The following SV2C variants were observed in gnomAD, a reference collection of about 807,000 sequenced individuals.
SV2C encodes the protein synaptic vesicle glycoprotein 2C.
In SV2C, 49 loss-of-function variants were observed where a neutral mutation model predicts 79.7. The ratio of observed to expected loss-of-function variants is 0.61; its 90% CI spans 0.49 to 0.78. The LOEUF (loss-of-function observed/expected upper bound fraction) is 0.78, where lower values mean the gene tolerates loss of function less well. Among genes scored for constraint, SV2C ranks in the 30% least tolerant of loss-of-function variants. SV2C has a pLI of 0.00. For missense variants in SV2C, 833 were observed against 912.9 expected (o/e 0.91, Z 1.13); for synonymous variants, 334 against 333.2 (o/e 1.00, Z -0.03).
At chr5:75,967,245 T>C in the SV2C span, among the ~76,000 whole-genome samples, 2 of 152,032 alleles carry the variant, frequency 1.3e-5, no homozygotes, top group Non-Finnish European at 2.9e-5. Flanking sequence ...AGTCCACAGC[T>C]GACACAGAAG....
chr5:76,037,999 G>A, the SV2C span, among the ~76,000 whole-genome samples: 6 of 152,186 alleles, frequency 3.9e-5, no homozygotes, highest in Non-Finnish European at 5.9e-5. Context: ...GGAGTGACCC[G>A]ATTTTCCAGG....
intron 4 of SV2C, among the ~76,000 whole-genome samples, chr5:76,254,776 T>G (rs1157212922): frequency 6.6e-6 from 1 of 152,230 alleles, no homozygotes; most frequent in Non-Finnish European, 1.5e-5. Flanking sequence ...GTTATTTACT[T>G]CTTTTATTTT....
At chr5:75,898,593 A>G in the SV2C span, among the ~76,000 whole-genome samples, 1 of 152,204 alleles carries the variant, frequency 6.6e-6, no homozygotes, top group South Asian at 2.1e-4. Context: ...AAAATGAGTT[A>G]GGGAGGATTC....
chr5:76,300,559 C>A (rs1561305682), intron 10 of SV2C, among the ~76,000 whole-genome samples, 170 bp from the exon 11 acceptor site: 2 of 152,152 alleles, frequency 1.3e-5, no homozygotes. Context: ...AAGACCCAGA[C>A]TAGATCCTAT....
At chr5:75,908,061 A>C in the SV2C span, among the ~76,000 whole-genome samples, 2 of 152,364 alleles carry the variant, frequency 1.3e-5, no homozygotes, top group South Asian at 4.1e-4. Context: ...TTAAAAAAAA[A>C]ATTGCAAGTT....
At chr5:76,163,939 G>A (rs965912801) in intron 2 of SV2C, among the ~76,000 whole-genome samples, 1 of 152,162 alleles carries the variant, frequency 6.6e-6, no homozygotes, top group African/African-American at 2.4e-5. Flanking sequence ...AGGGACAGTA[G>A]GGCAGACACT....
the SV2C span, among the ~76,000 whole-genome samples, chr5:75,875,821 A>T: frequency 2.6e-5 from 4 of 152,202 alleles, no homozygotes; most frequent in Admixed American, 2.6e-4. Flanking sequence ...CATATATAAA[A>T]AAAAGCTCAA....
chr5:75,896,049 GTTCT>G, the SV2C span, among the ~76,000 whole-genome samples: 9 of 151,680 alleles, frequency 5.9e-5, no homozygotes, highest in Admixed American at 5.9e-4. Context: ...TAATTGGATA[GTTCT>G]TTTTTTATTT....
chr5:75,930,676 G>A, the SV2C span, among the ~76,000 whole-genome samples: 4 of 152,188 alleles, frequency 2.6e-5, no homozygotes, highest in African/African-American at 9.6e-5. Context: ...ATCCATGGAC[G>A]TGAGCACTGT....
At chr5:76,242,559 G>A (rs554382983) in intron 4 of SV2C, among the ~76,000 whole-genome samples, 3 of 152,214 alleles carry the variant, frequency 2.0e-5, no homozygotes, top group South Asian at 4.2e-4. Flanking sequence ...TTTAAAAAAC[G>A]CTGGCCTCAT....
chr5:76,164,522 C>A (rs948427205), intron 2 of SV2C, among the ~76,000 whole-genome samples: 2 of 152,178 alleles, frequency 1.3e-5, no homozygotes. Flanking sequence ...ATTTTATATG[C>A]CCACAGTTTG....
intron 3 of SV2C, among the ~76,000 whole-genome samples, chr5:76,207,219 G>T (rs1024779814): frequency 4.6e-5 from 7 of 151,828 alleles, no homozygotes; most frequent in African/African-American, 1.7e-4. Context: ...CCTTTATCTT[G>T]GTCCAGAGGG....
At chr5:75,912,108 T>C in the SV2C span, among the ~76,000 whole-genome samples, 2 of 152,134 alleles carry the variant, frequency 1.3e-5, no homozygotes, top group Non-Finnish European at 2.9e-5. Flanking sequence ...TAATTCAGGT[T>C]TTAGCATTAT....
At chr5:76,074,216 T>G in the SV2C span, among the ~76,000 whole-genome samples, 2 of 152,214 alleles carry the variant, frequency 1.3e-5, no homozygotes, top group Non-Finnish European at 2.9e-5. Context: ...ATTGTGCTTC[T>G]TCTGGGAAGC....
upstream of SV2C, among the ~76,000 whole-genome samples, chr5:76,081,448 A>G (rs909931945): frequency 4.6e-5 from 7 of 152,200 alleles, no homozygotes; most frequent in African/African-American, 1.4e-4. Flanking sequence ...TGTATTTCCA[A>G]TGCTGGATTC....
the SV2C span, among the ~76,000 whole-genome samples, chr5:75,978,713 A>C: frequency 6.6e-6 from 1 of 152,222 alleles, no homozygotes; most frequent in Non-Finnish European, 1.5e-5. Flanking sequence ...ACTGCAACTG[A>C]ATGGAGAGAA....
At chr5:75,892,106 T>C in the SV2C span, among the ~76,000 whole-genome samples, 136 of 152,198 alleles carry the variant, frequency 8.9e-4, no homozygotes, top group African/African-American at 2.9e-3. Context: ...TTCCTCAGAA[T>C]TGATTTTGGC....
the SV2C span, among the ~76,000 whole-genome samples, chr5:75,938,171 T>C: frequency 4.6e-5 from 7 of 152,216 alleles, no homozygotes; most frequent in Non-Finnish European, 7.3e-5. Context: ...CTTTCTGCAA[T>C]TTCTCATAGT....
At chr5:75,913,416 C>T in the SV2C span, among the ~76,000 whole-genome samples, 2 of 152,142 alleles carry the variant, frequency 1.3e-5, no homozygotes, top group African/African-American at 2.4e-5. Flanking sequence ...GCCTCAGGGT[C>T]CCAGGCAGGT....
Sources: allele counts gnomAD v4.1 joint callset (sites outside exome capture counted in the v4.1 genomes callset), GRCh38; gene constraint gnomAD v4.1.1; transcripts MANE v1.5; gene names NCBI Gene and HGNC (gene_info 2026-07-23, HGNC 2026-07-21).